LRP1B: variants seen among roughly 807,000 people sequenced by gnomAD.
The protein encoded by LRP1B is low-density lipoprotein receptor-related protein 1B.
A neutral mutation model predicts 556.6 loss-of-function variants in LRP1B; 217 were observed. That is an observed-to-expected ratio of 0.39 (90% CI 0.35 to 0.44). The LOEUF (loss-of-function observed/expected upper bound fraction) is 0.44. LRP1B is among the 20% of genes least tolerant of loss of function. The pLI is 1.00. For missense variants in LRP1B, 5,053 were observed against 5,620.8 expected (o/e 0.90, Z 3.23); for synonymous variants, 2,047 against 1,865.8 (o/e 1.10, Z -2.50).
chr2:140,963,457 A>G (rs1696100206), intron 18 of LRP1B, among the ~76,000 whole-genome samples: 1 of 151,894 alleles, frequency 6.6e-6, no homozygotes, highest in Admixed American at 6.6e-5. Flanking sequence ...ATATATATAT[A>G]TATTTTTAAC....
rs183795988 is a variant in LRP1B at position 141,926,230 on chromosome 2, C to T, written c.83-115829G>A. 9.1e-4 allele frequency among the ~76,000 whole-genome samples: 139 copies of T among 152,220 alleles called. No homozygotes were observed. The Middle Eastern group carries it at 0.01, about 11-fold the overall frequency. Reference sequence around the variant, plus strand: ...AAAGAAATACTACTGATCCTTGTTGCGAGAAAGCTAGATATCTATAGCTTC... The same window carrying T: ...AAAGAAATACTACTGATCCTTGTTGTGAGAAAGCTAGATATCTATAGCTTC... On this transcript the variant is annotated intron_variant, in intron 1 of 90. Coordinates refer to ENST00000389484, the MANE Select transcript of LRP1B (RefSeq NM_018557.3).
At chr2:141,331,287 G>A (rs1687634786) in intron 3 of LRP1B, among the ~76,000 whole-genome samples, 1 of 152,184 alleles carries the variant, frequency 6.6e-6, no homozygotes, top group South Asian at 2.1e-4. Context: ...GGCTGGTAAG[G>A]AGACAATGAG....
chr2:141,096,687 A>T (rs1440204312), intron 7 of LRP1B, among the ~76,000 whole-genome samples: 2 of 117,580 alleles, frequency 1.7e-5, no homozygotes, highest in Non-Finnish European at 1.8e-5. Flanking sequence ...AGAGAGAGAG[A>T]GAGAAAATAA....
At chr2:140,287,458 G>C (rs1056995406) in intron 84 of LRP1B, among the ~76,000 whole-genome samples, 8 of 151,564 alleles carry the variant, frequency 5.3e-5, no homozygotes, top group Non-Finnish European at 1.2e-4. Flanking sequence ...GAATTTATTT[G>C]TTTCTGCCAA....
At chr2:142,071,022 T>C (rs1310509943) in intron 1 of LRP1B, among the ~76,000 whole-genome samples, 1 of 151,888 alleles carries the variant, frequency 6.6e-6, no homozygotes, top group African/African-American at 2.4e-5. Context: ...ATGAACTGGA[T>C]ATTAAGAGAG....
intron 20 of LRP1B, among the ~76,000 whole-genome samples, chr2:140,940,836 T>G (rs2380946): frequency 0.96 from 146,074 of 152,232 alleles, 70,373 homozygotes; most frequent in East Asian, 1. Flanking sequence ...GGTCTTTGAG[T>G]AATCGCCACA....
chr2:140,480,711 G>T (rs1227337897), intron 59 of LRP1B, among the ~76,000 whole-genome samples: 1 of 152,016 alleles, frequency 6.6e-6, no homozygotes, highest in African/African-American at 2.4e-5. Context: ...AAAGTCCTGG[G>T]ATTACAGGCT....
chr2:141,018,402 GA>G (rs1235890637), intron 12 of LRP1B, among the ~76,000 whole-genome samples: 3 of 151,952 alleles, frequency 2.0e-5, no homozygotes, highest in African/African-American at 7.2e-5. Flanking sequence ...TTGTCTCAAT[GA>G]AAAAAATATT....
At chr2:141,520,445 A>C (rs1285839805) in intron 2 of LRP1B, among the ~76,000 whole-genome samples, 1 of 152,120 alleles carries the variant, frequency 6.6e-6, no homozygotes, top group African/African-American at 2.4e-5. Context: ...CATGGGGGGA[A>C]AGGATAATAT....
chr2:141,099,753 TA>T (rs1374829070), intron 7 of LRP1B, among the ~76,000 whole-genome samples: 3 of 152,218 alleles, frequency 2.0e-5, no homozygotes, highest in Non-Finnish European at 4.4e-5. Flanking sequence ...ACATGTGTAG[TA>T]AAAGAGGGCT....
At chr2:142,022,837 AT>A (rs910703714) in intron 1 of LRP1B, among the ~76,000 whole-genome samples, 1 of 151,884 alleles carries the variant, frequency 6.6e-6, no homozygotes, top group Non-Finnish European at 1.5e-5. Context: ...CGCCCGGCTA[AT>A]TTTTTTAAAT....
At chr2:141,134,151 C>G (rs1701432417) in intron 7 of LRP1B, among the ~76,000 whole-genome samples, 1 of 151,724 alleles carries the variant, frequency 6.6e-6, no homozygotes, top group African/African-American at 2.4e-5. Context: ...CATGCACTGC[C>G]TTAATATATT....
intron 1 of LRP1B, among the ~76,000 whole-genome samples, chr2:142,130,076 C>A (rs78222106): frequency 0.031 from 4,660 of 152,214 alleles, 140 homozygotes; most frequent in Non-Finnish European, 0.038. Context: ...CAGGTGCGTG[C>A]GCCCGGAATC....
At chr2:141,741,810 G>A (rs1033280726) in intron 2 of LRP1B, among the ~76,000 whole-genome samples, 1 of 152,048 alleles carries the variant, frequency 6.6e-6, no homozygotes, top group Non-Finnish European at 1.5e-5. Flanking sequence ...GATCTTCTTT[G>A]TCCATTTTTG....
chr2:140,926,539 T>A (rs916706602), intron 20 of LRP1B, among the ~76,000 whole-genome samples: 3 of 152,052 alleles, frequency 2.0e-5, no homozygotes, highest in Admixed American at 6.6e-5. Context: ...TACAGGGTCT[T>A]ACTTTGTTGC....
chr2:141,802,061 C>T (rs957229599), intron 2 of LRP1B, among the ~76,000 whole-genome samples: 16 of 152,090 alleles, frequency 1.1e-4, no homozygotes, highest in Admixed American at 4.6e-4. Flanking sequence ...CTTTTGTTTG[C>T]TTGTAAATGG....
intron 51 of LRP1B, among the ~76,000 whole-genome samples, 184 bp downstream of exon 51, chr2:140,514,469 A>G (rs558934343): frequency 2.6e-5 from 4 of 152,158 alleles, no homozygotes; most frequent in African/African-American, 9.6e-5. Flanking sequence ...ATTGAATAAC[A>G]GCTTTATATA....
intron 31 of LRP1B, among the ~76,000 whole-genome samples, chr2:140,829,896 A>T (rs922113383): frequency 6.6e-6 from 1 of 151,952 alleles, no homozygotes; most frequent in African/African-American, 2.4e-5. Context: ...AAAGAAAGAA[A>T]AGACAAAATC....
chr2:141,254,943 G>C lies in LRP1B; in HGVS notation c.344-302C>G, dbSNP rs549068907. Among the ~76,000 whole-genome samples the C allele has an allele frequency of 3.3e-5, 5 of 152,024 alleles. No homozygotes were observed. In the South Asian group the frequency reaches 1.0e-3, roughly 32 times the overall value. Reference sequence around the variant, plus strand: ...TCAAGAGGAAAGATGTCAACTCAGCGGTTGATTTTGCCATCTATGTCTTTC... The same window carrying C: ...TCAAGAGGAAAGATGTCAACTCAGCCGTTGATTTTGCCATCTATGTCTTTC... On this transcript the variant is annotated intron_variant, in intron 3 of 90. Transcript: ENST00000389484.
Sources: gnomAD v4.1 joint callset for allele counts (sites outside exome capture counted in the v4.1 genomes callset) on GRCh38, gnomAD v4.1.1 for gene constraint, MANE v1.5 for transcripts, NCBI Gene and HGNC (gene_info 2026-07-23, HGNC 2026-07-21) for gene names.